The following MEIS1 variants were observed in gnomAD, a reference collection of about 807,000 sequenced individuals.
MEIS1 encodes Meis homeobox 1, also known as homeobox protein Meis1.
A neutral mutation model predicts 50.8 loss-of-function variants in MEIS1; 5 were observed. The ratio of observed to expected loss-of-function variants is 0.10; its 90% CI spans 0.05 to 0.21. MEIS1 has a LOEUF of 0.21. Ranked by LOEUF, MEIS1 falls within the 10% of genes least tolerant of loss-of-function variation. The pLI, the probability that MEIS1 is intolerant of heterozygous loss-of-function variation, is 1.00. For missense variants in MEIS1, 318 were observed against 517.3 expected (o/e 0.61, Z 3.74); for synonymous variants, 176 against 179.3 (o/e 0.98, Z 0.15).
chr2:66,527,896 T>C (rs1674296255), intron 8 of MEIS1, among the ~76,000 whole-genome samples: 1 of 152,038 alleles, frequency 6.6e-6, no homozygotes, highest in Non-Finnish European at 1.5e-5. Context: ...TCCAAGAAAG[T>C]CAAATGTTTT....
intron 4 of MEIS1, 128 bp downstream of exon 4, chr2:66,440,740 A>C (rs943964350): frequency 3.1e-6 from 2 of 646,638 alleles, no homozygotes; most frequent in African/African-American, 3.7e-5. Flanking sequence ...GGTTGGCTGC[A>C]AATGTTTCTG....
rs560624249 is a variant in MEIS1 at position 66,493,320 on chromosome 2, C to T, written c.743-18829C>T. Among the ~76,000 whole-genome samples the T allele has an allele frequency of 6.6e-5, 10 of 152,244 alleles. No individual in the cohort carries two copies. The South Asian group carries it at 2.1e-3, about 32-fold the overall frequency. ...TATAGTTAACATTTGGATAAGGACG[C>T]ATATTATGATTCTATCTATAGTTAT... On this transcript the variant is annotated intron_variant, in intron 7 of 12. Coordinates refer to ENST00000272369, the MANE Select transcript of MEIS1 (RefSeq NM_002398.3).
At chr2:66,474,730 T>C (rs750792425) in intron 7 of MEIS1, among the ~76,000 whole-genome samples, 1 of 152,304 alleles carries the variant, frequency 6.6e-6, no homozygotes, top group South Asian at 2.1e-4. Context: ...TCTATTTGAT[T>C]AGTACAATTA....
At chr2:66,550,351 C>A (rs903315751) in intron 9 of MEIS1, among the ~76,000 whole-genome samples, 1 of 152,150 alleles carries the variant, frequency 6.6e-6, no homozygotes, top group African/African-American at 2.4e-5. Context: ...AAATGTCCCT[C>A]AAGTAACTAA....
intron 7 of MEIS1, among the ~76,000 whole-genome samples, chr2:66,499,696 T>TAAA (rs35294226): frequency 7.8e-6 from 1 of 127,716 alleles, no homozygotes; most frequent in African/African-American, 2.9e-5. Context: ...GTACATAGGT[T>TAAA]AAAAAAAAAA....
At chr2:66,491,410 C>T (rs1673269583) in intron 7 of MEIS1, among the ~76,000 whole-genome samples, 1 of 152,170 alleles carries the variant, frequency 6.6e-6, no homozygotes, top group African/African-American at 2.4e-5. Flanking sequence ...GCTTTGAGAT[C>T]CTTTAATGTC....
At chr2:66,487,086 T>A (rs1329895736) in intron 7 of MEIS1, among the ~76,000 whole-genome samples, 1 of 152,222 alleles carries the variant, frequency 6.6e-6, no homozygotes, top group Non-Finnish European at 1.5e-5. Context: ...TACCCTTTAT[T>A]TCTTTCTCTT....
At chr2:66,546,019 A>T (rs1430204925) in intron 8 of MEIS1, among the ~76,000 whole-genome samples, 1 of 152,172 alleles carries the variant, frequency 6.6e-6, no homozygotes, top group Non-Finnish European at 1.5e-5. Context: ...GTTATGTCCC[A>T]GTCTGGGCTT....
At chr2:66,536,590 T>C (rs1391981534) in intron 8 of MEIS1, among the ~76,000 whole-genome samples, 1 of 152,234 alleles carries the variant, frequency 6.6e-6, no homozygotes, top group Non-Finnish European at 1.5e-5. Context: ...CTTCTCTGAC[T>C]CTTGAAAATA....
At chr2:66,497,091 G>A (rs1180515522) in intron 7 of MEIS1, among the ~76,000 whole-genome samples, 1 of 152,196 alleles carries the variant, frequency 6.6e-6, no homozygotes, top group Non-Finnish European at 1.5e-5. Context: ...GGTCAGACAT[G>A]TGCTGGCTGT....
At chr2:66,440,062 C>A (rs769750224) in intron 3 of MEIS1, 78 bp downstream of exon 3, 2 of 1,291,436 alleles carry the variant, frequency 1.5e-6, no homozygotes, top group Non-Finnish European at 2.1e-6. Context: ...CGCGCGCGCG[C>A]GCGCGAACAC....
intron 7 of MEIS1, 71 bp downstream of exon 7, chr2:66,464,291 G>T: frequency 8.3e-7 from 1 of 1,198,710 alleles, no homozygotes. Context: ...AATGTCTAGT[G>T]AGTTACTAAG....
In MEIS1 at chr2:66,435,587, G is replaced by A; in HGVS notation, c.-270G>A. ...TTTTTTTTTTAAACTGATTTTTGGG[G>A]GAGAGAAGATCTGCTTTTTTTTGCC... On this transcript the variant is annotated 5_prime_UTR_variant, in exon 1 of 13. Transcript: ENST00000272369. 1 of 403,928 alleles carries A rather than the reference G, an allele frequency of 2.5e-6. No homozygotes were observed. Among genetic ancestry groups the A allele is most frequent in the Non-Finnish European group, 4.4e-6 (1 of 228,732 alleles). The allele number at this position is 403,928 out of a possible 1,614,324, so 25.0% of individuals were successfully genotyped here. A position where few individuals can be genotyped will look rare whatever the true frequency, so the allele number is the denominator to read the frequency against.
At chr2:66,570,197 C>G (rs1443827730) in intron 12 of MEIS1, 1 of 152,104 alleles carries the variant, frequency 6.6e-6, no homozygotes, top group African/African-American at 2.4e-5. Context: ...ACAATTAGCT[C>G]TGAAAACATT....
chr2:66,439,782 C>A, intron 2 of MEIS1, 61 bp from the exon 3 acceptor site: 1 of 1,606,684 alleles, frequency 6.2e-7, no homozygotes, highest in Admixed American at 1.7e-5. Context: ...TCTTGGGCAC[C>A]TTTTTCCATT....
intron 7 of MEIS1, among the ~76,000 whole-genome samples, chr2:66,496,875 C>T (rs1283003363): frequency 6.6e-6 from 1 of 152,142 alleles, no homozygotes. Context: ...GAACTGGCAT[C>T]CTCCCATTCT....
At chr2:66,487,482 A>G (rs1673171752) in intron 7 of MEIS1, among the ~76,000 whole-genome samples, 1 of 152,230 alleles carries the variant, frequency 6.6e-6, no homozygotes, top group African/African-American at 2.4e-5. Context: ...TTCCCCATCA[A>G]ACTGTTTAAC....
At chr2:66,519,624 G>A (rs535604786) in intron 8 of MEIS1, among the ~76,000 whole-genome samples, 164 of 152,222 alleles carry the variant, frequency 1.1e-3, no homozygotes, top group African/African-American at 3.7e-3. Flanking sequence ...GTTTTTCATT[G>A]CCATTGCAAA....
intron 8 of MEIS1, among the ~76,000 whole-genome samples, chr2:66,523,691 C>T (rs1674182636): frequency 6.6e-6 from 1 of 152,162 alleles, no homozygotes; most frequent in Non-Finnish European, 1.5e-5. Context: ...AAGTAGCATT[C>T]AAATGTGGCA....
Sources: allele counts gnomAD v4.1 joint callset (sites outside exome capture counted in the v4.1 genomes callset), GRCh38; gene constraint gnomAD v4.1.1; transcripts MANE v1.5; gene names NCBI Gene and HGNC (gene_info 2026-07-23, HGNC 2026-07-21).